The following SERPINA6 variants were observed in gnomAD, a reference collection of about 807,000 sequenced individuals.
The protein encoded by SERPINA6 is corticosteroid-binding globulin.
SERPINA6 carries 19 observed loss-of-function variants against 26.4 expected under a neutral mutation model. That is an observed-to-expected ratio of 0.72 (90% CI 0.50 to 1.06). The LOEUF (loss-of-function observed/expected upper bound fraction) is 1.06, where lower values mean the gene tolerates loss of function less well. SERPINA6 is among the 50% of genes least tolerant of loss of function. The probability of loss-of-function intolerance (pLI) is 0.00; values close to 1 mark genes in which losing one functional copy is unlikely to be tolerated. For missense variants in SERPINA6, 473 were observed against 504.0 expected (o/e 0.94, Z 0.59); for synonymous variants, 196 against 199.4 (o/e 0.98, Z 0.14).
intron 1 of SERPINA6, among the ~76,000 whole-genome samples, chr14:94,321,101 C>T (rs989943295): frequency 6.6e-6 from 1 of 152,120 alleles, no homozygotes; most frequent in African/African-American, 2.4e-5. Flanking sequence ...TAAAATAGAG[C>T]TGATAATAAC....
chr14:94,313,235 G>C (rs1266459713), intron 2 of SERPINA6, among the ~76,000 whole-genome samples: 3 of 152,244 alleles, frequency 2.0e-5, no homozygotes, highest in Admixed American at 2.0e-4. Flanking sequence ...GTGGCAGGCA[G>C]AATAACAGCC....
At position 94,304,411 on chromosome 14, in the gene SERPINA6, T is replaced by A; in HGVS notation, c.*7A>T. 6.2e-7 allele frequency: 1 copy of A among 1,613,818 alleles called. No homozygotes were observed. The highest frequency in any genetic ancestry group is 1.3e-5 in the African/African-American group (1 of 75,020). The stretch of plus-strand genomic sequence containing the variant: ...AGACAGTGCTGAGGCTCTGGGTGGG[T>A]GGTCTCTTACACTGGGTTCATAACC... On this transcript the variant is annotated 3_prime_UTR_variant, in exon 5 of 5. Transcript: ENST00000341584.
intron 4 of SERPINA6, among the ~76,000 whole-genome samples, chr14:94,304,888 T>C (rs1895414031): frequency 6.6e-6 from 1 of 152,134 alleles, no homozygotes; most frequent in Admixed American, 6.5e-5. Flanking sequence ...TCACTGTCCA[T>C]GTTGGGCGCT....
chr14:94,319,999 A>G (rs957833204), intron 1 of SERPINA6, among the ~76,000 whole-genome samples: 3 of 152,242 alleles, frequency 2.0e-5, no homozygotes, highest in East Asian at 1.9e-4. Context: ...AATGATTTAA[A>G]AAGAGTTCCA....
At chr14:94,309,389 G>A (rs533132113) in intron 3 of SERPINA6, among the ~76,000 whole-genome samples, 2 of 152,276 alleles carry the variant, frequency 1.3e-5, no homozygotes, top group South Asian at 4.1e-4. Flanking sequence ...AGGTAAGCAA[G>A]ATAACAAAAC....
At chr14:94,317,802 A>G (rs1895632513) in intron 1 of SERPINA6, among the ~76,000 whole-genome samples, 1 of 152,248 alleles carries the variant, frequency 6.6e-6, no homozygotes, top group Non-Finnish European at 1.5e-5. Flanking sequence ...CAAAACAAGG[A>G]TGCTTGTTCT....
chr14:94,318,497 G>C (rs550948783), intron 1 of SERPINA6, among the ~76,000 whole-genome samples: 11 of 152,140 alleles, frequency 7.2e-5, no homozygotes, highest in Admixed American at 2.0e-4. Flanking sequence ...ATAGAATACA[G>C]AACCCAGAAA....
chr14:94,320,004 G>A (rs572624083), intron 1 of SERPINA6, among the ~76,000 whole-genome samples: 1 of 152,268 alleles, frequency 6.6e-6, no homozygotes, highest in Non-Finnish European at 1.5e-5. Flanking sequence ...TTTAAAAAGA[G>A]TTCCATAAGA....
chr14:94,319,420 T>TTGTC (rs1566729772), intron 1 of SERPINA6, among the ~76,000 whole-genome samples: 2 of 152,192 alleles, frequency 1.3e-5, no homozygotes, highest in African/African-American at 2.4e-5. Context: ...ATTAAACAAA[T>TTGTC]TGTCATTTGA....
rs560388398 is a variant in SERPINA6, at chr14:94,313,485, A to T, written c.613+551T>A. Among the ~76,000 whole-genome samples the T allele has an allele frequency of 3.9e-5, 6 of 152,342 alleles. No individual in the cohort carries two copies. In the South Asian group the frequency reaches 1.2e-3, roughly 32 times the overall value. On this transcript the variant is annotated intron_variant, in intron 2 of 4. Transcript: ENST00000341584. The stretch of plus-strand genomic sequence containing the variant: ...ATGTGATGAGGGAAGCAGAGGTGGG[A>T]ATTTGCAATTACTGGCTTTGAAAAT...
At chr14:94,310,121 C>T in intron 2 of SERPINA6, 115 bp from the exon 3 acceptor site, 2 of 1,029,900 alleles carry the variant, frequency 1.9e-6, no homozygotes, top group Non-Finnish European at 3.0e-6. Context: ...GGAATGTCCC[C>T]ATTCAAGCCT....
At chr14:94,320,380 CT>C (rs1054070414) in intron 1 of SERPINA6, among the ~76,000 whole-genome samples, 1 of 152,236 alleles carries the variant, frequency 6.6e-6, no homozygotes, top group Non-Finnish European at 1.5e-5. Flanking sequence ...ATCATAGCAG[CT>C]GAACTTTCAG....
chr14:94,311,623 A>G (rs1895530645), intron 2 of SERPINA6, among the ~76,000 whole-genome samples: 1 of 152,128 alleles, frequency 6.6e-6, no homozygotes, highest in Admixed American at 6.5e-5. Context: ...ATTAAAAAAA[A>G]ACTGTCAAGA....
At chr14:94,305,800 G>A (rs1895428953) in intron 4 of SERPINA6, among the ~76,000 whole-genome samples, 1 of 152,180 alleles carries the variant, frequency 6.6e-6, no homozygotes, top group Admixed American at 6.5e-5. Context: ...GGTTTTCACA[G>A]TTCCCCTCTG....
At chr14:94,305,358 T>C (rs1210479085) in intron 4 of SERPINA6, among the ~76,000 whole-genome samples, 1 of 152,144 alleles carries the variant, frequency 6.6e-6, no homozygotes, top group Non-Finnish European at 1.5e-5. Flanking sequence ...CAAACTGTTA[T>C]TTACTAGCTC....
chr14:94,305,968 C>T (rs1028484142), intron 4 of SERPINA6, 103 bp downstream of exon 4: 6 of 1,358,866 alleles, frequency 4.4e-6, no homozygotes, highest in Non-Finnish European at 6.3e-6. Flanking sequence ...CAGCCAGGGA[C>T]CTAGAGGCTC....
chr14:94,310,074 C>T, intron 2 of SERPINA6, 68 bp from the exon 3 acceptor site: 1 of 1,523,838 alleles, frequency 6.6e-7, no homozygotes, highest in Non-Finnish European at 9.0e-7. Context: ...TCTCACGGGC[C>T]TACTATCCAA....
intron 3 of SERPINA6, 64 bp downstream of exon 3, chr14:94,309,672 C>T (rs1783276512): frequency 9.5e-6 from 15 of 1,584,594 alleles, no homozygotes; most frequent in Non-Finnish European, 1.3e-5. Flanking sequence ...ACTCCCTTTC[C>T]ACGTGCCCCA....
intron 3 of SERPINA6, among the ~76,000 whole-genome samples, 183 bp downstream of exon 3, chr14:94,309,549 CAATA>C (rs1442519462): frequency 6.6e-6 from 1 of 152,182 alleles, no homozygotes; most frequent in Non-Finnish European, 1.5e-5. Context: ...ATGGACAGAT[CAATA>C]AATAAGCGTG....
Sources: allele counts gnomAD v4.1 joint callset (sites outside exome capture counted in the v4.1 genomes callset), GRCh38; gene constraint gnomAD v4.1.1; transcripts MANE v1.5; gene names NCBI Gene and HGNC (gene_info 2026-07-23, HGNC 2026-07-21).